Variants in ARHGEF6 observed in about 807,000 individuals in gnomAD.
The protein encoded by ARHGEF6 is Rac/Cdc42 guanine nucleotide exchange factor 6.
A neutral mutation model predicts 70.3 loss-of-function variants in ARHGEF6; 9 were observed. The observed-to-expected ratio is 0.13, with a 90% CI of 0.08 to 0.22. The LOEUF is 0.22. Among genes scored for constraint, ARHGEF6 ranks in the 10% least tolerant of loss-of-function variants. ARHGEF6 has a pLI of 1.00. For synonymous variants in ARHGEF6, 201 were observed against 207.8 expected, an observed-to-expected ratio of 0.97 and a Z score of 0.28; for missense variants, 470 against 563.0, an observed-to-expected ratio of 0.83 and a Z score of 1.67.
At chrX:136,743,534 C>G in intron 5 of ARHGEF6, 51 bp downstream of exon 5, 1 of 1,132,816 alleles carries the variant, frequency 8.8e-7, no homozygotes, top group Non-Finnish European at 1.2e-6. Context: ...GTAAGAATAC[C>G]AAGAAAGTAC....
chrX:136,700,934 A>G (rs1569399735), intron 9 of ARHGEF6, among the ~76,000 whole-genome samples: 1 of 112,580 alleles, frequency 8.9e-6, no homozygotes, highest in Non-Finnish European at 1.9e-5. Context: ...TAGAAACACT[A>G]AGAAATGATC....
intron 2 of ARHGEF6, among the ~76,000 whole-genome samples, chrX:136,754,974 C>T (rs1254535625): frequency 4.5e-5 from 5 of 111,688 alleles, no homozygotes; most frequent in Non-Finnish European, 9.4e-5. Context: ...GGGACTGACT[C>T]CCTAGTGTTC....
At chrX:136,776,925 A>C (rs1018168569) in intron 2 of ARHGEF6, among the ~76,000 whole-genome samples, 3 of 108,196 alleles carry the variant, frequency 2.8e-5, no homozygotes, top group Non-Finnish European at 5.8e-5. Context: ...ATAAAGTAGA[A>C]ATAAAAATAA....
chrX:136,763,686 G>T (rs1447852412), intron 2 of ARHGEF6, among the ~76,000 whole-genome samples: 1 of 111,274 alleles, frequency 9.0e-6, no homozygotes, highest in Non-Finnish European at 1.9e-5. Context: ...TTAGCCGGGC[G>T]TGGTGGTATG....
intron 6 of ARHGEF6, among the ~76,000 whole-genome samples, chrX:136,716,350 C>T (rs1045154141): frequency 1.8e-5 from 2 of 112,229 alleles, no homozygotes; most frequent in Non-Finnish European, 3.8e-5. Flanking sequence ...GATAACCCAA[C>T]TCCAGCCCTT....
At chrX:136,672,613 G>A (rs2076236423) in intron 19 of ARHGEF6, among the ~76,000 whole-genome samples, 1 of 112,290 alleles carries the variant, frequency 8.9e-6, no homozygotes, top group East Asian at 2.8e-4. Context: ...TCTCTTTACA[G>A]TCTTATAGGG....
intron 9 of ARHGEF6, among the ~76,000 whole-genome samples, chrX:136,696,740 G>A (rs2076516347): frequency 1.8e-5 from 2 of 111,186 alleles, no homozygotes; most frequent in African/African-American, 6.5e-5. Context: ...TAAGAACAGG[G>A]AGAACTTACA....
chrX:136,727,391 TTCTTTCTC>T (rs1157379157), intron 6 of ARHGEF6, among the ~76,000 whole-genome samples: 26 of 67,204 alleles, frequency 3.9e-4, no homozygotes, highest in East Asian at 1.1e-3. Context: ...CTTTCTTTCT[TTCTTTCTC>T]TCTCTCTCTC....
In ARHGEF6 at chrX:136,688,684, C is replaced by T. The variant is rs184376021; in HGVS notation, c.1186-693G>A. 2.7e-4 allele frequency among the ~76,000 whole-genome samples: 30 copies of T among 111,493 alleles called. No homozygotes were observed. The East Asian group carries it at 8.4e-3, about 31-fold the overall frequency. ...AAACAAACAAACAAACAAACAACAA[C>T]AACAAAAACTCAAGAGAAAAATCAA... is the stretch of plus-strand genomic sequence containing the variant. On this transcript the variant is annotated intron_variant, in intron 10 of 21. Transcript: ENST00000250617.
chrX:136,693,665 G>C (rs1270794036), intron 9 of ARHGEF6, among the ~76,000 whole-genome samples: 1 of 112,026 alleles, frequency 8.9e-6, no homozygotes, highest in Admixed American at 9.4e-5. Context: ...GGTGGATGGG[G>C]CTCTGGGATA....
intron 6 of ARHGEF6, among the ~76,000 whole-genome samples, chrX:136,731,085 T>G (rs1253595380): frequency 1.8e-5 from 2 of 112,108 alleles, no homozygotes; most frequent in Non-Finnish European, 3.8e-5. Context: ...ATTTTAGCCT[T>G]GGAAATGTAA....
Position 136,667,906 on chromosome X carries a change from A to G in ARHGEF6, c.*123T>C. ...GGGGAGAGAAAGAGAAGAGAGAGGG[A>G]GAGAGAGAGAGAGACTCAAACACAA... On this transcript the variant is annotated 3_prime_UTR_variant, in exon 22 of 22. Transcript: ENST00000250617. 1.6e-6 allele frequency: 1 copy of G among 625,544 alleles called. No homozygotes were observed. The highest frequency in any genetic ancestry group is 3.0e-5 in the South Asian group (1 of 33,071). 51.6% of individuals were successfully genotyped at this position (625,544 alleles called of 1,213,427 possible). A position where few individuals can be genotyped will look rare whatever the true frequency, so the allele number is the denominator to read the frequency against.
intron 12 of ARHGEF6, among the ~76,000 whole-genome samples, chrX:136,684,941 A>G (rs943871691): frequency 3.6e-5 from 4 of 111,343 alleles, no homozygotes; most frequent in African/African-American, 1.3e-4. Context: ...TCCCTTTCGG[A>G]GTGTTGTTCT....
intron 10 of ARHGEF6, 43 bp downstream of exon 10, chrX:136,690,567 C>T: frequency 8.3e-7 from 1 of 1,208,453 alleles, no homozygotes; most frequent in Non-Finnish European, 1.1e-6. Flanking sequence ...GAGCACAGGA[C>T]CATACTTGGC....
chrX:136,778,896 C>T (rs966948123), intron 2 of ARHGEF6, among the ~76,000 whole-genome samples: 2 of 112,059 alleles, frequency 1.8e-5, no homozygotes, highest in Admixed American at 1.9e-4. Flanking sequence ...GTATCACCTC[C>T]CTTTCAGTAA....
intron 9 of ARHGEF6, among the ~76,000 whole-genome samples, chrX:136,698,448 T>A: frequency 9.0e-6 from 1 of 110,895 alleles, no homozygotes; most frequent in African/African-American, 3.3e-5. Context: ...TGCAAAGAGG[T>A]CCACACTCAA....
intron 2 of ARHGEF6, chrX:136,767,198 C>T (rs2077324404): frequency 4.0e-6 from 3 of 755,667 alleles, no homozygotes; most frequent in Non-Finnish European, 4.7e-6. Context: ...CCAGCCGCGC[C>T]GCCGCCGCCT....
At chrX:136,669,755 A>G (rs2076203359) in intron 20 of ARHGEF6, among the ~76,000 whole-genome samples, 1 of 111,794 alleles carries the variant, frequency 8.9e-6, no homozygotes. Flanking sequence ...ATGTCATTAC[A>G]CCTTTTCTAT....
intron 2 of ARHGEF6, chrX:136,767,331 C>T: frequency 2.6e-6 from 2 of 754,887 alleles, no homozygotes; most frequent in Non-Finnish European, 3.1e-6. Context: ...GCGGCCGCCA[C>T]CAGGGCGAAA....
Sources: gnomAD v4.1 joint callset for allele counts (sites outside exome capture counted in the v4.1 genomes callset) on GRCh38, gnomAD v4.1.1 for gene constraint, MANE v1.5 for transcripts, NCBI Gene and HGNC (gene_info 2026-07-23, HGNC 2026-07-21) for gene names.